KIRREL3: variants seen among roughly 807,000 people sequenced by gnomAD.
KIRREL3 encodes kirre like nephrin family adhesion molecule 3, also known as kin of IRRE-like protein 3.
Under a neutral mutation model 89.7 loss-of-function variants are expected in KIRREL3, and 36 were observed. That is an observed-to-expected ratio of 0.40 (90% CI 0.31 to 0.53). The LOEUF is 0.53. Among genes scored for constraint, KIRREL3 ranks in the 20% least tolerant of loss-of-function variants. KIRREL3 has a pLI of 0.49. For missense variants in KIRREL3, 864 were observed against 1,056.6 expected (o/e 0.82, Z 2.53); for synonymous variants, 445 against 441.4 (o/e 1.01, Z -0.10).
At position 126,808,597 on chromosome 11, in the gene KIRREL3, C is replaced by T. The variant is rs1951278552; in HGVS notation, c.55+191858G>A. Among the ~76,000 whole-genome samples, 1 of 152,198 alleles carries T rather than the reference C, an allele frequency of 6.6e-6. No individual in the cohort carries two copies. Among genetic ancestry groups the T allele is most frequent in the South Asian group, 2.1e-4 (1 of 4,836 alleles). ...TCAATTTTAATTGTAACAACAGAAACATCAGCAGCAAAATGGAGCCAAATG... is the reference window on the plus strand; with the variant it reads ...TCAATTTTAATTGTAACAACAGAAATATCAGCAGCAAAATGGAGCCAAATG... On this transcript the variant is annotated intron_variant, in intron 1 of 16. Coordinates refer to ENST00000525144, the MANE Select transcript of KIRREL3 (RefSeq NM_032531.4). This position sits in a 1 kb window ranked among gnomAD's most constrained non-coding sequence, Gnocchi z 4.1.
chr11:126,470,213 T>C (rs1956847357), intron 5 of KIRREL3, among the ~76,000 whole-genome samples: 1 of 152,176 alleles, frequency 6.6e-6, no homozygotes, highest in South Asian at 2.1e-4. Flanking sequence ...TCTGCTAGGG[T>C]CCAGGCTGGC....
intron 1 of KIRREL3, among the ~76,000 whole-genome samples, chr11:126,577,876 C>T (rs534076069): frequency 3.9e-5 from 6 of 152,128 alleles, no homozygotes; most frequent in South Asian, 2.1e-4. Context: ...CTAGATTCTT[C>T]GAACAAAAAG....
In KIRREL3 at chr11:126,696,762, A is replaced by G. The variant is rs976328726; in HGVS notation, c.56-133850T>C. On this transcript the variant is annotated intron_variant, in intron 1 of 16. Coordinates refer to ENST00000525144, the MANE Select transcript of KIRREL3 (RefSeq NM_032531.4). This position sits in a 1 kb window ranked among gnomAD's most constrained non-coding sequence, Gnocchi z 4.4. ...GCAGGCACCGCCAGTGGACACACCGAACACCCCTCTTGTCCAAACACACTG... is the reference window on the plus strand; with the variant it reads ...GCAGGCACCGCCAGTGGACACACCGGACACCCCTCTTGTCCAAACACACTG... Among the ~76,000 whole-genome samples, 1 of 152,162 alleles carries G rather than the reference A, an allele frequency of 6.6e-6. No individual in the cohort carries two copies. Among genetic ancestry groups the G allele is most frequent in the Non-Finnish European group, 1.5e-5 (1 of 68,044 alleles).
At chr11:126,986,641 C>T (rs551154718) in intron 1 of KIRREL3, among the ~76,000 whole-genome samples, 1 of 152,308 alleles carries the variant, frequency 6.6e-6, no homozygotes, top group African/African-American at 2.4e-5. Flanking sequence ...CTCTTGATTT[C>T]TTTCCAGTTG....
chr11:126,626,721 G>A (rs546877453), intron 1 of KIRREL3, among the ~76,000 whole-genome samples: 35 of 152,328 alleles, frequency 2.3e-4, no homozygotes, highest in African/African-American at 7.0e-4. Flanking sequence ...GGCTGGGCGC[G>A]GTGGCTCACG....
chr11:126,657,282 C>A (rs1280063481), intron 1 of KIRREL3, among the ~76,000 whole-genome samples: 3 of 151,108 alleles, frequency 2.0e-5, no homozygotes, highest in Non-Finnish European at 4.4e-5. Flanking sequence ...ATAAATAAAT[C>A]TTCATGGAAT....
chr11:126,864,104 A>C (rs1387604040), intron 1 of KIRREL3, among the ~76,000 whole-genome samples: 1 of 152,232 alleles, frequency 6.6e-6, no homozygotes, highest in African/African-American at 2.4e-5. Context: ...CTGACCAGAC[A>C]ATTTATATTA....
At chr11:126,497,935 T>G (rs1238293185) in intron 4 of KIRREL3, among the ~76,000 whole-genome samples, 1 of 151,860 alleles carries the variant, frequency 6.6e-6, no homozygotes, top group African/African-American at 2.4e-5. Flanking sequence ...CCAGAGAGTT[T>G]GTGGGCCCCC....
rs565426477 is a variant in KIRREL3 at position 126,553,527 on chromosome 11, C to T, written c.133+9308G>A. Among the ~76,000 whole-genome samples, 7 of 152,302 alleles carry T rather than the reference C, an allele frequency of 4.6e-5. No individual in the cohort carries two copies. The highest frequency in any genetic ancestry group is 1.7e-4 in the African/African-American group (7 of 41,564). Reference sequence around the variant, plus strand: ...GCAAAGGGAACATGTCCAGATTCAGCCCATCTCTACACTGCTGCGGTGCCT... The same window carrying T: ...GCAAAGGGAACATGTCCAGATTCAGTCCATCTCTACACTGCTGCGGTGCCT... On this transcript the variant is annotated intron_variant, in intron 2 of 16. Coordinates refer to ENST00000525144, the MANE Select transcript of KIRREL3 (RefSeq NM_032531.4). This position sits in a 1 kb window ranked among gnomAD's most constrained non-coding sequence, Gnocchi z 4.7.
intron 1 of KIRREL3, among the ~76,000 whole-genome samples, chr11:126,815,078 TA>T (rs1026256648): frequency 6.6e-6 from 1 of 151,992 alleles, no homozygotes. Flanking sequence ...TGTAAAGCTT[TA>T]AAAAAAAGAA....
At chr11:126,603,035 G>A (rs1942731952) in intron 1 of KIRREL3, among the ~76,000 whole-genome samples, 1 of 152,124 alleles carries the variant, frequency 6.6e-6, no homozygotes, top group Non-Finnish European at 1.5e-5. Context: ...AGGAACCCTA[G>A]AACATGCTCC....
rs1397555836 is a variant in KIRREL3, at chr11:126,769,481, C to T, written c.56-206569G>A. 6.6e-6 allele frequency among the ~76,000 whole-genome samples: 1 copy of T among 152,202 alleles called. No individual in the cohort carries two copies. Among genetic ancestry groups the T allele is most frequent in the African/African-American group, 2.4e-5 (1 of 41,456 alleles). ...GCCCACTCCCCGTGAAAACCGTGCACTCCTGTCTTCTCTCTAACAGTTAAT... is the reference window on the plus strand; with the variant it reads ...GCCCACTCCCCGTGAAAACCGTGCATTCCTGTCTTCTCTCTAACAGTTAAT... On this transcript the variant is annotated intron_variant, in intron 1 of 16. Transcript: ENST00000525144. The surrounding 1 kb of genome is among the most constrained non-coding windows in gnomAD (Gnocchi z 4.3).
rs1248845045 is a variant in KIRREL3, at chr11:126,776,010, T to C, written c.56-213098A>G. Among the ~76,000 whole-genome samples the C allele has an allele frequency of 1.3e-5, 2 of 152,102 alleles. No individual in the cohort carries two copies. Among genetic ancestry groups the C allele is most frequent in the Non-Finnish European group, 2.9e-5 (2 of 68,008 alleles). On this transcript the variant is annotated intron_variant, in intron 1 of 16. Transcript: ENST00000525144. The surrounding 1 kb of genome is among the most constrained non-coding windows in gnomAD (Gnocchi z 4.7). ...TTTCTGCAAGCTGGGGCTCCTGGAT[T>C]GGGGGCCACACTCCTGAGACAGCAG...
At chr11:126,823,795 C>T (rs548649123) in intron 1 of KIRREL3, among the ~76,000 whole-genome samples, 16 of 152,198 alleles carry the variant, frequency 1.1e-4, no homozygotes, top group Non-Finnish European at 1.6e-4. Flanking sequence ...GGAAAACAAG[C>T]TTTCTGCTGC....
In KIRREL3 at chr11:126,644,748, G is replaced by A. The variant is rs140662856; in HGVS notation, c.56-81836C>T. On this transcript the variant is annotated intron_variant, in intron 1 of 16. Coordinates refer to ENST00000525144, the MANE Select transcript of KIRREL3 (RefSeq NM_032531.4). ...AACAATATGCAGGATGAATTTATCC[G>A]TCTCCTATTAAATGCCTCAAAGAGT... 4.6e-3 allele frequency among the ~76,000 whole-genome samples: 696 copies of A among 152,314 alleles called. 5 individuals carry two copies. The highest frequency in any genetic ancestry group is 0.013 in the African/African-American group (552 of 41,576).
chr11:126,866,685 C>T (rs1391874186), intron 1 of KIRREL3, among the ~76,000 whole-genome samples: 2 of 152,062 alleles, frequency 1.3e-5, no homozygotes, highest in Non-Finnish European at 2.9e-5. Flanking sequence ...ATAAAAACCC[C>T]GAGACCCTAG....
At chr11:126,518,287 C>T (rs912112688) in intron 4 of KIRREL3, among the ~76,000 whole-genome samples, 1 of 152,216 alleles carries the variant, frequency 6.6e-6, no homozygotes, top group African/African-American at 2.4e-5. Flanking sequence ...GCGAGCTGGC[C>T]CTCTGGCTTC....
chr11:126,897,364 A>C lies in KIRREL3; in HGVS notation c.55+103091T>G, dbSNP rs997491467. Among the ~76,000 whole-genome samples the C allele has an allele frequency of 3.2e-4, 49 of 152,176 alleles. 1 individual carries two copies. The highest frequency in any genetic ancestry group is 1.5e-4 in the Non-Finnish European group (10 of 67,996). On this transcript the variant is annotated intron_variant, in intron 1 of 16. Transcript: ENST00000525144. The surrounding 1 kb of genome is among the most constrained non-coding windows in gnomAD (Gnocchi z 4.2). ...GACAGGCTTCCCTTTAAGGTATTTA[A>C]CTTTATAGAAAATGGAAAGCCTTCC...
rs537417769 is a variant in KIRREL3, at chr11:126,537,892, C to T, written c.134-11205G>A. Among the ~76,000 whole-genome samples, 12 of 152,350 alleles carry T rather than the reference C, an allele frequency of 7.9e-5. No homozygotes were observed. The highest frequency in any genetic ancestry group is 5.8e-4 in the East Asian group (3 of 5,190). ...AGGAGCCAGAGGAGCACCTGTCTTG[C>T]GGAGTCCCAGAGCTGAGAACGGAGG... On this transcript the variant is annotated intron_variant, in intron 2 of 16. Transcript: ENST00000525144. This position sits in a 1 kb window ranked among gnomAD's most constrained non-coding sequence, Gnocchi z 4.3.
Sources: allele counts gnomAD v4.1 joint callset (sites outside exome capture counted in the v4.1 genomes callset), GRCh38; gene constraint gnomAD v4.1.1; non-coding constraint Gnocchi (gnomAD v3.1); transcripts MANE v1.5; gene names NCBI Gene and HGNC (gene_info 2026-07-23, HGNC 2026-07-21).